CNTNAP5: variants seen among roughly 807,000 people sequenced by gnomAD.
The protein encoded by CNTNAP5 is contactin-associated protein-like 5.
In CNTNAP5, 72 loss-of-function variants were observed where a neutral mutation model predicts 150.2. The observed-to-expected ratio is 0.48, with a 90% CI of 0.40 to 0.58. The LOEUF (loss-of-function observed/expected upper bound fraction) is 0.58. CNTNAP5 is among the 20% of genes least tolerant of loss of function. The probability of loss-of-function intolerance (pLI) is 0.00; values close to 1 mark genes in which losing one functional copy is unlikely to be tolerated. For synonymous variants in CNTNAP5, 672 were observed against 619.8 expected, an observed-to-expected ratio of 1.08 and a Z score of -1.25; for missense variants, 1,636 against 1,626.2, an observed-to-expected ratio of 1.01 and a Z score of -0.10.
At chr2:124,787,300 C>T (rs968364771) in intron 17 of CNTNAP5, among the ~76,000 whole-genome samples, 2 of 152,162 alleles carry the variant, frequency 1.3e-5, no homozygotes, top group African/African-American at 4.8e-5. Flanking sequence ...TCTACACACT[C>T]TCTAGGAAAG....
chr2:124,566,001 G>A (rs1475636797), intron 11 of CNTNAP5, among the ~76,000 whole-genome samples: 1 of 148,182 alleles, frequency 6.7e-6, no homozygotes, highest in African/African-American at 2.5e-5. Context: ...GAACTCTTGT[G>A]GGTCCATCTA....
chr2:124,037,855 A>T (rs1386586329), intron 1 of CNTNAP5, among the ~76,000 whole-genome samples: 1 of 152,232 alleles, frequency 6.6e-6, no homozygotes, highest in Non-Finnish European at 1.5e-5. Flanking sequence ...CACACTGTAT[A>T]CATATATCAA....
At chr2:124,340,225 C>G (rs1446118146) in intron 3 of CNTNAP5, among the ~76,000 whole-genome samples, 1 of 152,118 alleles carries the variant, frequency 6.6e-6, no homozygotes, top group Non-Finnish European at 1.5e-5. Context: ...TTGGCCTATG[C>G]CAGGAATGAC....
chr2:124,535,769 C>T (rs1026535156), intron 10 of CNTNAP5, among the ~76,000 whole-genome samples: 1 of 151,870 alleles, frequency 6.6e-6, no homozygotes, highest in Non-Finnish European at 1.5e-5. Flanking sequence ...GAGCAAGACT[C>T]CTTCTCAAAA....
At chr2:124,862,291 A>C (rs961640694) in intron 19 of CNTNAP5, among the ~76,000 whole-genome samples, 4 of 152,234 alleles carry the variant, frequency 2.6e-5, no homozygotes, top group Admixed American at 6.5e-5. Context: ...ATAGACAATA[A>C]ATGCATTACA....
At chr2:124,454,924 A>G (rs1693082869) in intron 6 of CNTNAP5, among the ~76,000 whole-genome samples, 1 of 152,162 alleles carries the variant, frequency 6.6e-6, no homozygotes, top group Non-Finnish European at 1.5e-5. Context: ...ATAGCCCTAA[A>G]CAACTACATC....
chr2:124,655,947 G>GAGAGAAAGAAAGAAAT (rs1558722459), intron 13 of CNTNAP5, among the ~76,000 whole-genome samples: 14 of 88,234 alleles, frequency 1.6e-4, no homozygotes, highest in African/African-American at 6.8e-4. Flanking sequence ...GAGAGAGAGA[G>GAGAGAAAGAAAGAAAT]AAAGAAAGAA....
chr2:124,146,156 C>T (rs1450852317), intron 1 of CNTNAP5, among the ~76,000 whole-genome samples: 3 of 152,070 alleles, frequency 2.0e-5, no homozygotes, highest in South Asian at 4.1e-4. Context: ...CAGGAGCTGG[C>T]GGCAGTCGTC....
chr2:124,590,333 T>C (rs567217034), intron 11 of CNTNAP5, among the ~76,000 whole-genome samples: 52 of 152,280 alleles, frequency 3.4e-4, no homozygotes, highest in African/African-American at 1.2e-3. Flanking sequence ...TCTACCAATC[T>C]CCTTTTAGGT....
At chr2:124,696,871 C>G (rs1290173476) in intron 13 of CNTNAP5, among the ~76,000 whole-genome samples, 2 of 152,146 alleles carry the variant, frequency 1.3e-5, no homozygotes, top group East Asian at 3.9e-4. Flanking sequence ...TAAAGCAGAT[C>G]TGGTATAGCT....
chr2:124,557,601 A>G (rs1245614211), intron 10 of CNTNAP5, among the ~76,000 whole-genome samples: 2 of 152,188 alleles, frequency 1.3e-5, no homozygotes, highest in Non-Finnish European at 2.9e-5. Context: ...TTATGGAGCT[A>G]ACGTTCATTT....
intron 3 of CNTNAP5, among the ~76,000 whole-genome samples, chr2:124,326,736 GC>G (rs1689227789): frequency 6.6e-6 from 1 of 151,920 alleles, no homozygotes; most frequent in African/African-American, 2.4e-5. Flanking sequence ...ACTAGCCTGG[GC>G]AACATGGCGA....
chr2:124,770,604 G>C (rs1406031374), intron 16 of CNTNAP5, among the ~76,000 whole-genome samples: 1 of 152,182 alleles, frequency 6.6e-6, no homozygotes, highest in African/African-American at 2.4e-5. Flanking sequence ...GATGTGCAGG[G>C]CTGCCAGGTG....
chr2:124,121,021 G>A (rs1214972228), intron 1 of CNTNAP5, among the ~76,000 whole-genome samples: 1 of 152,076 alleles, frequency 6.6e-6, no homozygotes, highest in Non-Finnish European at 1.5e-5. Flanking sequence ...CTGTTCATCT[G>A]TATAACAGAT....
chr2:124,334,035 C>T lies in CNTNAP5; in HGVS notation c.382-83408C>T, dbSNP rs148917317. 2.0e-5 allele frequency among the ~76,000 whole-genome samples: 3 copies of T among 152,204 alleles called. No homozygotes were observed. In the East Asian group the frequency reaches 5.8e-4, roughly 29 times the overall value. ...ACTCCTAAAAACCCAAAAGATCACA[C>T]AGCTGACTGTAAAACAGTGCAGAGC... is the stretch of plus-strand genomic sequence containing the variant. On this transcript the variant is annotated intron_variant, in intron 3 of 23. Transcript: ENST00000682447.
At chr2:124,601,198 G>A (rs977191710) in intron 11 of CNTNAP5, among the ~76,000 whole-genome samples, 4 of 152,214 alleles carry the variant, frequency 2.6e-5, no homozygotes, top group Non-Finnish European at 5.9e-5. Flanking sequence ...ATTGAAAATG[G>A]GGTAAGGTAT....
At chr2:124,738,365 A>G (rs1680430079) in intron 13 of CNTNAP5, among the ~76,000 whole-genome samples, 1 of 152,206 alleles carries the variant, frequency 6.6e-6, no homozygotes, top group African/African-American at 2.4e-5. Context: ...CTAAAGATTT[A>G]TAAGAGTGTC....
chr2:124,044,895 C>CAG (rs1681484271), intron 1 of CNTNAP5, among the ~76,000 whole-genome samples: 1 of 62,920 alleles, frequency 1.6e-5, no homozygotes, highest in Non-Finnish European at 3.1e-5. Context: ...AGGAAACACA[C>CAG]ACACACACAC....
chr2:124,718,704 C>T (rs72978572), intron 13 of CNTNAP5, among the ~76,000 whole-genome samples: 1,805 of 151,942 alleles, frequency 0.012, 44 homozygotes, highest in African/African-American at 0.042. Flanking sequence ...GAAGTAAGGC[C>T]GGGCCAAAGC....
Sources: gnomAD v4.1 joint callset for allele counts (sites outside exome capture counted in the v4.1 genomes callset) on GRCh38, gnomAD v4.1.1 for gene constraint, MANE v1.5 for transcripts, NCBI Gene and HGNC (gene_info 2026-07-23, HGNC 2026-07-21) for gene names.